RAPGEF6: variants seen among roughly 807,000 people sequenced by gnomAD.
RAPGEF6 encodes PDZ domain containing guanine nucleotide exchange factor (GEF) 2.
In RAPGEF6, 56 loss-of-function variants were observed where a neutral mutation model predicts 171.4. The ratio of observed to expected loss-of-function variants is 0.33; its 90% CI spans 0.26 to 0.41. RAPGEF6 has a LOEUF of 0.41. RAPGEF6 is among the 10% of genes least tolerant of loss of function. RAPGEF6 has a pLI of 1.00. For synonymous variants in RAPGEF6, 692 were observed against 650.1 expected, an observed-to-expected ratio of 1.06 and a Z score of -0.98; for missense variants, 1,674 against 1,921.4, an observed-to-expected ratio of 0.87 and a Z score of 2.41.
intron 1 of RAPGEF6, among the ~76,000 whole-genome samples, chr5:131,619,701 C>T (rs913216764): frequency 3.3e-5 from 5 of 152,182 alleles, no homozygotes; most frequent in Admixed American, 3.3e-4. Flanking sequence ...ACTTTTCAAT[C>T]CTTATCTCTC....
rs536356638 is a variant in RAPGEF6, at chr5:131,558,935, G to A, written c.351+3043C>T. ...GTTGTTGATAAGTGTAGTGTTCCCT[G>A]TTATGTCTCTTAGGTAAAATGTGTA... On this transcript the variant is annotated intron_variant, in intron 5 of 27. Coordinates refer to ENST00000509018, the MANE Select transcript of RAPGEF6 (RefSeq NM_016340.6). 5.3e-5 allele frequency among the ~76,000 whole-genome samples: 8 copies of A among 152,236 alleles called. No individual in the cohort carries two copies. The South Asian group carries it at 1.7e-3, about 32-fold the overall frequency.
chr5:131,457,113 G>C (rs892953601), intron 19 of RAPGEF6, among the ~76,000 whole-genome samples: 7 of 152,172 alleles, frequency 4.6e-5, no homozygotes, highest in African/African-American at 1.7e-4. Context: ...CCAGGCTGGA[G>C]TGCGGTGGTG....
At chr5:131,480,904 C>A (rs1313546332) in intron 15 of RAPGEF6, among the ~76,000 whole-genome samples, 1 of 151,624 alleles carries the variant, frequency 6.6e-6, no homozygotes, top group Non-Finnish European at 1.5e-5. Context: ...AAACAAGTAA[C>A]AACCAATCAT....
intron 5 of RAPGEF6, 35 bp from the exon 6 acceptor site, chr5:131,548,225 A>C (rs1190687041): frequency 5.6e-6 from 9 of 1,604,664 alleles, no homozygotes; most frequent in African/African-American, 1.3e-5. Flanking sequence ...ATGAAATATC[A>C]AATTTTTCCA....
At chr5:131,544,913 C>A (rs60483366) in intron 6 of RAPGEF6, among the ~76,000 whole-genome samples, 2 of 152,284 alleles carry the variant, frequency 1.3e-5, no homozygotes, top group African/African-American at 4.8e-5. Context: ...GAACTCCTGA[C>A]CTCAAGTGAT....
At chr5:131,506,203 T>C (rs1237527713) in intron 9 of RAPGEF6, among the ~76,000 whole-genome samples, 1 of 152,202 alleles carries the variant, frequency 6.6e-6, no homozygotes, top group Non-Finnish European at 1.5e-5. Context: ...TGCAGTGGTA[T>C]GATTATAGCT....
intron 6 of RAPGEF6, among the ~76,000 whole-genome samples, chr5:131,536,381 C>T (rs754551204): frequency 6.7e-4 from 102 of 152,198 alleles, no homozygotes; most frequent in Non-Finnish European, 4.0e-4. Flanking sequence ...TACTGGTGCC[C>T]CTTAGGACTT....
At chr5:131,437,918 T>C (rs545816122) in intron 24 of RAPGEF6, among the ~76,000 whole-genome samples, 7 of 152,284 alleles carry the variant, frequency 4.6e-5, no homozygotes, top group South Asian at 4.1e-4. Context: ...GCTGTTAAAA[T>C]AGATGGTCTT....
chr5:131,528,516 CA>C (rs1188108116), intron 6 of RAPGEF6, among the ~76,000 whole-genome samples: 2 of 150,448 alleles, frequency 1.3e-5, no homozygotes, highest in Admixed American at 1.3e-4. Flanking sequence ...TTATTTTTAC[CA>C]AAAGTTGAGA....
chr5:131,428,914 T>C lies in RAPGEF6; in HGVS notation c.4768A>G (p.Ser1590Gly). The C allele has an allele frequency of 6.2e-7, 1 of 1,613,110 alleles. No homozygotes were observed. Among genetic ancestry groups the C allele is most frequent in the Non-Finnish European group, 8.5e-7 (1 of 1,179,038 alleles). The change falls in exon 27 of 28, where the codon AGC becomes GGC. Residue 1590 changes from serine to glycine, a missense_variant. Transcript: ENST00000509018. Reference sequence around the variant, plus strand: ...CTTGTCAACATACCATCTGCTTCGCTATCTGCATCAGTCACATCTCCTAGT... The same window carrying C: ...CTTGTCAACATACCATCTGCTTCGCCATCTGCATCAGTCACATCTCCTAGT... ...PKLGDVTDAD[S>G]EADENEQVSA... is the part of the protein sequence containing the mutation.
At chr5:131,487,067 T>C (rs1263706547) in intron 15 of RAPGEF6, among the ~76,000 whole-genome samples, 1 of 152,178 alleles carries the variant, frequency 6.6e-6, no homozygotes, top group Admixed American at 6.5e-5. Flanking sequence ...CTGGTCTCGC[T>C]GACTTCAAGA....
At chr5:131,444,394 CTACAG>C (rs1202733249) in intron 22 of RAPGEF6, among the ~76,000 whole-genome samples, 1 of 152,048 alleles carries the variant, frequency 6.6e-6, no homozygotes, top group East Asian at 1.9e-4. Context: ...TTAATAATTG[CTACAG>C]TACAAAGAAA....
At chr5:131,537,931 A>G (rs1385370426) in intron 6 of RAPGEF6, among the ~76,000 whole-genome samples, 1 of 8,124 alleles carries the variant, frequency 1.2e-4, no homozygotes, top group East Asian at 7.9e-4. Context: ...CGTCTCTACA[A>G]AAAAAAACAA....
At chr5:131,559,165 C>A (rs1318690558) in intron 5 of RAPGEF6, among the ~76,000 whole-genome samples, 1 of 152,000 alleles carries the variant, frequency 6.6e-6, no homozygotes, top group Non-Finnish European at 1.5e-5. Flanking sequence ...ACTGTCTCTA[C>A]TAAAAATACA....
At chr5:131,491,436 T>C (rs1756275411) in intron 14 of RAPGEF6, among the ~76,000 whole-genome samples, 1 of 152,162 alleles carries the variant, frequency 6.6e-6, no homozygotes, top group African/African-American at 2.4e-5. Flanking sequence ...AACAAAATTT[T>C]AAATGGGGAG....
At chr5:131,457,169 C>T (rs1340605836) in intron 19 of RAPGEF6, among the ~76,000 whole-genome samples, 1 of 152,210 alleles carries the variant, frequency 6.6e-6, no homozygotes, top group East Asian at 1.9e-4. Context: ...TCAAGTGATT[C>T]TTGTGCATCA....
chr5:131,605,698 T>C (rs1208474587), intron 1 of RAPGEF6, among the ~76,000 whole-genome samples: 1 of 151,896 alleles, frequency 6.6e-6, no homozygotes, highest in Non-Finnish European at 1.5e-5. Flanking sequence ...CAACTTGTTT[T>C]CTAGTAGGTT....
At chr5:131,623,359 T>C (rs987020162) in intron 1 of RAPGEF6, among the ~76,000 whole-genome samples, 2 of 152,190 alleles carry the variant, frequency 1.3e-5, no homozygotes, top group South Asian at 4.1e-4. Context: ...ATGAGAATAG[T>C]AATAGCACAT....
chr5:131,626,028 T>A (rs1765906238), intron 1 of RAPGEF6, among the ~76,000 whole-genome samples: 1 of 152,196 alleles, frequency 6.6e-6, no homozygotes, highest in Non-Finnish European at 1.5e-5. Flanking sequence ...TGATCTTATT[T>A]CCAGGCTTTA....
Sources: allele counts gnomAD v4.1 joint callset (sites outside exome capture counted in the v4.1 genomes callset), GRCh38; gene constraint gnomAD v4.1.1; transcripts MANE v1.5; gene names NCBI Gene and HGNC (gene_info 2026-07-23, HGNC 2026-07-21).